Variants in TIMM21 observed in about 807,000 individuals in gnomAD.
The protein encoded by TIMM21 is mitochondrial import inner membrane translocase subunit Tim21.
A neutral mutation model predicts 27.7 loss-of-function variants in TIMM21; 30 were observed. The observed-to-expected ratio is 1.08, with a 90% CI of 0.81 to 1.47. The LOEUF (loss-of-function observed/expected upper bound fraction) is 1.47. Among genes scored for constraint, TIMM21 ranks in the 40% most tolerant of loss-of-function variants. The pLI, the probability that TIMM21 is intolerant of heterozygous loss-of-function variation, is 0.00. For missense variants in TIMM21, 292 were observed against 302.9 expected, an observed-to-expected ratio of 0.96 and a Z score of 0.27; for synonymous variants, 121 against 114.4, an observed-to-expected ratio of 1.06 and a Z score of -0.37.
At chr18:74,154,931 C>T (rs1979908322) in intron 1 of TIMM21, among the ~76,000 whole-genome samples, 1 of 152,184 alleles carries the variant, frequency 6.6e-6, no homozygotes, top group Non-Finnish European at 1.5e-5. Context: ...ATTTCTTCAT[C>T]CTAAATTAAA....
Position 74,158,660 on chromosome 18 carries a change from A to G in TIMM21, c.*180A>G, listed in dbSNP as rs113350944. On this transcript the variant is annotated 3_prime_UTR_variant, in exon 6 of 6. Coordinates refer to ENST00000169551, the MANE Select transcript of TIMM21 (RefSeq NM_014177.3). Reference sequence around the variant, plus strand: ...TTTTCTTACGGAAAAATTATGAAATACAGCATATTTTATGTTCTCCCATTG... The same window carrying G: ...TTTTCTTACGGAAAAATTATGAAATGCAGCATATTTTATGTTCTCCCATTG... 1 of 536,404 alleles carries G rather than the reference A, an allele frequency of 1.9e-6. No homozygotes were observed. 33.2% of individuals were successfully genotyped at this position (536,404 alleles called of 1,614,324 possible). A position where few individuals can be genotyped will look rare whatever the true frequency, so the allele number is the denominator to read the frequency against.
intron 1 of TIMM21, among the ~76,000 whole-genome samples, chr18:74,153,096 A>G (rs542356837): frequency 2.0e-5 from 3 of 152,286 alleles, no homozygotes; most frequent in Admixed American, 1.3e-4. Context: ...AGCACCCACT[A>G]TAGGAGGGGT....
intron 1 of TIMM21, among the ~76,000 whole-genome samples, chr18:74,151,843 A>T (rs1979810459): frequency 6.6e-6 from 1 of 150,580 alleles, no homozygotes; most frequent in Non-Finnish European, 1.5e-5. Flanking sequence ...TGCTAAATTC[A>T]TCACAGGAGC....
chr18:74,154,980 G>A, intron 1 of TIMM21, 165 bp from the exon 2 acceptor site: 1 of 638,200 alleles, frequency 1.6e-6, no homozygotes. Context: ...ATTCTGCTGA[G>A]GCGCTGACAC....
chr18:74,148,965 C>A lies in TIMM21; in HGVS notation c.157C>A (p.Arg53=). 6.2e-7 allele frequency: 1 copy of A among 1,614,148 alleles called. No individual in the cohort carries two copies. Among genetic ancestry groups the A allele is most frequent in the Non-Finnish European group, 8.5e-7 (1 of 1,180,034 alleles). ...GCTTCAATATCAAAAGAAAACGCTG[C>A]GACCTAGATGTATTCTTGGAGTCAC... ...CGLQYQKKTL[R]PRCILGVTQK... The change falls in exon 1 of 6, where the codon CGA becomes AGA. Residue 53 remains arginine (R), a synonymous_variant. Coordinates refer to ENST00000169551, the MANE Select transcript of TIMM21 (RefSeq NM_014177.3).
At position 74,156,539 on chromosome 18, in the gene TIMM21, AATAAGGAAGGTTCGTTCCC is replaced by A. The variant is rs1405639718; in HGVS notation, c.462+1141_462+1159del. 1.1e-5 allele frequency: 4 copies of A among 367,860 alleles called. No individual in the cohort carries two copies. In the Admixed American group the frequency reaches 1.8e-4, roughly 17 times the overall value. The allele number at this position is 367,860 out of a possible 1,614,324, so 22.8% of individuals were successfully genotyped here. A position where few individuals can be genotyped will look rare whatever the true frequency, so the allele number is the denominator to read the frequency against. On this transcript the variant is annotated intron_variant, in intron 3 of 5. Coordinates refer to ENST00000169551, the MANE Select transcript of TIMM21 (RefSeq NM_014177.3). ...AGTATCTCAGAGGTGAAAACCAGGA[AATAAGGAAGGTTCGTTCCC>A]ATAATAGTTACTGGGAATCCAAATT... is the stretch of plus-strand genomic sequence containing the variant.
Position 74,158,242 on chromosome 18 carries a change from G to T in TIMM21, c.608G>T (p.Gly203Val). ...TTCTACATTGAGGGCTCTGAGCCAGGGAAGCAAGGAACGGTGTATGCGCAA... is the reference window on the plus strand; with the variant it reads ...TTCTACATTGAGGGCTCTGAGCCAGTGAAGCAAGGAACGGTGTATGCGCAA... Reference protein sequence around the residue: ...VKFYIEGSEPGKQGTVYAQVK... With the variant: ...VKFYIEGSEPVKQGTVYAQVK... Residue 203 changes from glycine (G) to valine (V), a missense_variant, in exon 5 of 6, where the codon GGG becomes GTG. Coordinates refer to ENST00000169551, the MANE Select transcript of TIMM21 (RefSeq NM_014177.3). The T allele has an allele frequency of 6.2e-7, 1 of 1,614,198 alleles. No individual in the cohort carries two copies. Among genetic ancestry groups the T allele is most frequent in the East Asian group, 2.2e-5 (1 of 44,882 alleles).
At chr18:74,155,015 C>A in intron 1 of TIMM21, 130 bp from the exon 2 acceptor site, 1 of 795,032 alleles carries the variant, frequency 1.3e-6, no homozygotes, top group Non-Finnish European at 2.1e-6. Flanking sequence ...AAACAGCTGC[C>A]CCTGAACACA....
chr18:74,151,028 A>T (rs1038361107), intron 1 of TIMM21, among the ~76,000 whole-genome samples: 18 of 152,302 alleles, frequency 1.2e-4, no homozygotes, highest in Admixed American at 1.2e-3. Flanking sequence ...TTTGGAAATC[A>T]CAGAAATTAT....
chr18:74,152,941 A>C lies in TIMM21; in HGVS notation c.302-2204A>C, dbSNP rs1979851248. On this transcript the variant is annotated intron_variant, in intron 1 of 5. Coordinates refer to ENST00000169551, the MANE Select transcript of TIMM21 (RefSeq NM_014177.3). This position sits in a 1 kb window ranked among gnomAD's most constrained non-coding sequence, Gnocchi z 4.1. Reference sequence around the variant, plus strand: ...TGGGGGCTGAGTCTTATGCTTCTGCATCAACCAGGCATTGAATATGGGCTG... The same window carrying C: ...TGGGGGCTGAGTCTTATGCTTCTGCCTCAACCAGGCATTGAATATGGGCTG... 6.6e-6 allele frequency among the ~76,000 whole-genome samples: 1 copy of C among 152,184 alleles called. No homozygotes were observed. Among genetic ancestry groups the C allele is most frequent in the African/African-American group, 2.4e-5 (1 of 41,434 alleles).
At chr18:74,158,315 C>T (rs1304284417) in intron 5 of TIMM21, 39 bp downstream of exon 5, 15 of 1,610,266 alleles carry the variant, frequency 9.3e-6, no homozygotes, top group East Asian at 2.2e-5. Flanking sequence ...AGGTTCTGAG[C>T]GCGGTGTTAT....
intron 1 of TIMM21, among the ~76,000 whole-genome samples, chr18:74,149,577 G>GAAGGAAA: frequency 6.6e-6 from 1 of 151,648 alleles, no homozygotes; most frequent in East Asian, 1.9e-4. Context: ...CATTTCGCAT[G>GAAGGAAA]TGATTTGTAG....
rs1555682730 is a variant in TIMM21, at chr18:74,158,578, G to A, written c.*98G>A. 3.2e-5 allele frequency: 24 copies of A among 753,132 alleles called. No individual in the cohort carries two copies. The South Asian group carries it at 3.5e-4, about 11-fold the overall frequency. 46.7% of individuals were successfully genotyped at this position (753,132 alleles called of 1,614,324 possible). A position where few individuals can be genotyped will look rare whatever the true frequency, so the allele number is the denominator to read the frequency against. ...GTTCAAAAGAAAGACAAGAAGGAGT[G>A]TATGGCTTATAAAGTGAATCTAATA... On this transcript the variant is annotated 3_prime_UTR_variant, in exon 6 of 6. Transcript: ENST00000169551.
Position 74,158,499 on chromosome 18 carries a change from T to C in TIMM21, c.*19T>C, listed in dbSNP as rs1289306050. ...TGATTAAAATAGGGTTTCTGATGGA[T>C]GTTGAATGGCGTGGACTCGCTACTC... On this transcript the variant is annotated 3_prime_UTR_variant, in exon 6 of 6. Coordinates refer to ENST00000169551, the MANE Select transcript of TIMM21 (RefSeq NM_014177.3). The C allele has an allele frequency of 2.7e-6, 4 of 1,495,050 alleles. No individual in the cohort carries two copies. The highest frequency in any genetic ancestry group is 3.7e-6 in the Non-Finnish European group (4 of 1,077,292). 92.6% of individuals were successfully genotyped at this position (1,495,050 alleles called of 1,614,324 possible). A position where few individuals can be genotyped will look rare whatever the true frequency, so the allele number is the denominator to read the frequency against.
intron 1 of TIMM21, among the ~76,000 whole-genome samples, chr18:74,151,934 T>G: frequency 8.1e-6 from 1 of 123,192 alleles, no homozygotes; most frequent in African/African-American, 4.3e-5. Flanking sequence ...GTGGTGTCTA[T>G]GTTCCCCCCC....
At chr18:74,150,407 T>G (rs1219687002) in intron 1 of TIMM21, among the ~76,000 whole-genome samples, 7 of 152,182 alleles carry the variant, frequency 4.6e-5, no homozygotes, top group Non-Finnish European at 1.0e-4. Flanking sequence ...TTGATTTAAT[T>G]TTAATTAATT....
At chr18:74,155,276 T>C in intron 2 of TIMM21, 30 bp from the exon 3 acceptor site, 1 of 1,612,130 alleles carries the variant, frequency 6.2e-7, no homozygotes, top group Non-Finnish European at 8.5e-7. Flanking sequence ...TGCCCTTGCT[T>C]CGCTTCATCT....
intron 3 of TIMM21, among the ~76,000 whole-genome samples, chr18:74,155,964 A>G (rs563565425): frequency 6.6e-6 from 1 of 152,298 alleles, no homozygotes; most frequent in Admixed American, 6.5e-5. Context: ...TTGCTTCCAA[A>G]TCTAAGCTCT....
At chr18:74,150,101 G>A (rs1377621263) in intron 1 of TIMM21, among the ~76,000 whole-genome samples, 3 of 152,190 alleles carry the variant, frequency 2.0e-5, no homozygotes, top group African/African-American at 2.4e-5. Flanking sequence ...CCACGAGGTC[G>A]GCTCATGTGT....
Sources: gnomAD v4.1 joint callset for allele counts (sites outside exome capture counted in the v4.1 genomes callset) on GRCh38, gnomAD v4.1.1 for gene constraint, Gnocchi (gnomAD v3.1) non-coding constraint, MANE v1.5 for transcripts, NCBI Gene and HGNC (gene_info 2026-07-23, HGNC 2026-07-21) for gene names.